The following CELF4 variants were observed in gnomAD, a reference collection of about 807,000 sequenced individuals.
CELF4 encodes CUGBP Elav-like family member 4.
In CELF4, 18 loss-of-function variants were observed where a neutral mutation model predicts 59.9. The observed-to-expected ratio is 0.30, with a 90% CI of 0.21 to 0.45. The LOEUF (loss-of-function observed/expected upper bound fraction) is 0.45, where lower values mean the gene tolerates loss of function less well. CELF4 is among the 20% of genes least tolerant of loss of function. CELF4 has a pLI of 1.00. For missense variants in CELF4, 456 were observed against 689.0 expected, an observed-to-expected ratio of 0.66 and a Z score of 3.79; for synonymous variants, 261 against 267.1, an observed-to-expected ratio of 0.98 and a Z score of 0.22.
At chr18:37,393,264 C>A (rs993691699) in intron 2 of CELF4, among the ~76,000 whole-genome samples, 7 of 152,210 alleles carry the variant, frequency 4.6e-5, no homozygotes, top group African/African-American at 1.7e-4. Flanking sequence ...GGAAGACCCA[C>A]CCCAGATACA....
At chr18:37,275,336 A>G in intron 3 of CELF4, 93 bp from the exon 4 acceptor site, 3 of 1,046,888 alleles carry the variant, frequency 2.9e-6, no homozygotes, top group Non-Finnish European at 1.2e-6. Context: ...AGGGAAAGGG[A>G]GGAGCCGGGG....
At chr18:37,500,664 G>C (rs1013936944) in intron 1 of CELF4, among the ~76,000 whole-genome samples, 1 of 151,702 alleles carries the variant, frequency 6.6e-6, no homozygotes, top group South Asian at 2.1e-4. Flanking sequence ...CTCCCGAGTA[G>C]TTGGGACTAC....
rs1328143676 is a variant in CELF4 at position 37,245,718 on chromosome 18, C to A, written c.*45-521G>T. 6.6e-6 allele frequency among the ~76,000 whole-genome samples: 1 copy of A among 152,154 alleles called. No homozygotes were observed. The highest frequency in any genetic ancestry group is 2.4e-5 in the African/African-American group (1 of 41,428). ...CCAGCTTCCAGCCAACCACTTCTTT[C>A]CCGGGGTCAGTAACTATTTGCGAGG... On this transcript the variant is annotated intron_variant, in intron 12 of 12. Coordinates refer to ENST00000420428, the MANE Select transcript of CELF4 (RefSeq NM_020180.4). The surrounding 1 kb of genome is among the most constrained non-coding windows in gnomAD (Gnocchi z 4.1).
At chr18:37,424,277 C>G (rs994112225) in intron 2 of CELF4, among the ~76,000 whole-genome samples, 5 of 152,048 alleles carry the variant, frequency 3.3e-5, no homozygotes, top group Admixed American at 3.3e-4. Flanking sequence ...GACAAGATCT[C>G]TATGCAGGCG....
At chr18:37,459,064 A>G (rs762087891) in intron 2 of CELF4, among the ~76,000 whole-genome samples, 1 of 152,162 alleles carries the variant, frequency 6.6e-6, no homozygotes, top group Non-Finnish European at 1.5e-5. Context: ...TGAGTCTGAC[A>G]TTGCTTTCCG....
chr18:37,277,573 A>C (rs563077368), intron 3 of CELF4, among the ~76,000 whole-genome samples: 4 of 152,228 alleles, frequency 2.6e-5, no homozygotes, highest in African/African-American at 9.6e-5. Context: ...CAGACAAGAG[A>C]ATCAGAGGCA....
chr18:37,432,389 G>A (rs948793178), intron 2 of CELF4, among the ~76,000 whole-genome samples: 1 of 152,216 alleles, frequency 6.6e-6, no homozygotes, highest in African/African-American at 2.4e-5. Context: ...GAGGACATTT[G>A]TTCTACTGAT....
intron 2 of CELF4, among the ~76,000 whole-genome samples, chr18:37,400,215 G>A (rs2099309461): frequency 6.6e-6 from 1 of 152,204 alleles, no homozygotes; most frequent in African/African-American, 2.4e-5. Context: ...ACTCATGCCT[G>A]AGAGTTTCTA....
intron 2 of CELF4, among the ~76,000 whole-genome samples, chr18:37,376,413 C>T (rs1402799058): frequency 6.6e-6 from 1 of 152,222 alleles, no homozygotes; most frequent in Non-Finnish European, 1.5e-5. Flanking sequence ...CCCAGCCAGG[C>T]CACTTCTCTG....
intron 2 of CELF4, among the ~76,000 whole-genome samples, chr18:37,325,285 C>G (rs2097267532): frequency 1.3e-5 from 2 of 152,308 alleles, no homozygotes; most frequent in South Asian, 4.1e-4. Context: ...CTGGAGGAGA[C>G]TCCTTTCCTG....
intron 10 of CELF4, among the ~76,000 whole-genome samples, chr18:37,263,534 G>T (rs183607979): frequency 3.3e-5 from 5 of 152,082 alleles, no homozygotes; most frequent in Non-Finnish European, 7.4e-5. Context: ...ATGGGACCTT[G>T]TTAGTGTCCT....
intron 2 of CELF4, among the ~76,000 whole-genome samples, chr18:37,484,564 C>T (rs1001198409): frequency 1.3e-5 from 2 of 152,208 alleles, no homozygotes; most frequent in Non-Finnish European, 2.9e-5. Flanking sequence ...CTGTGTAATT[C>T]AGCTCTCCCC....
At chr18:37,313,632 C>G (rs1036991428) in intron 3 of CELF4, among the ~76,000 whole-genome samples, 2 of 152,250 alleles carry the variant, frequency 1.3e-5, no homozygotes, top group African/African-American at 4.8e-5. Context: ...GCTGCCCCCA[C>G]CCAGGCCCGC....
intron 2 of CELF4, among the ~76,000 whole-genome samples, chr18:37,482,116 G>A (rs1174488416): frequency 6.6e-6 from 1 of 152,208 alleles, no homozygotes; most frequent in Non-Finnish European, 1.5e-5. Flanking sequence ...ATTTGTGTGT[G>A]TGTGTGGCTT....
chr18:37,504,919 A>G (rs1297450012), intron 1 of CELF4, among the ~76,000 whole-genome samples: 2 of 152,230 alleles, frequency 1.3e-5, no homozygotes, highest in African/African-American at 2.4e-5. Flanking sequence ...CTGAGCCACA[A>G]ACAATTTGAG....
chr18:37,459,361 A>G (rs1309559962), intron 2 of CELF4, among the ~76,000 whole-genome samples: 2 of 103,202 alleles, frequency 1.9e-5, no homozygotes, highest in Admixed American at 1.7e-4. Context: ...TGGTCTGTGT[A>G]GGTAACTCTC....
At chr18:37,359,149 G>A (rs1010172972) in intron 2 of CELF4, among the ~76,000 whole-genome samples, 1 of 152,136 alleles carries the variant, frequency 6.6e-6, no homozygotes, top group African/African-American at 2.4e-5. Flanking sequence ...GTAAGTGAAA[G>A]GGTGATGTCA....
intron 2 of CELF4, among the ~76,000 whole-genome samples, chr18:37,460,592 A>T (rs752678394): frequency 1.3e-5 from 2 of 152,212 alleles, no homozygotes; most frequent in East Asian, 3.8e-4. Flanking sequence ...GATATGTCTC[A>T]CTGTTGGCTT....
intron 2 of CELF4, among the ~76,000 whole-genome samples, chr18:37,332,159 G>A (rs1438021240): frequency 6.6e-6 from 1 of 152,138 alleles, no homozygotes; most frequent in Non-Finnish European, 1.5e-5. Context: ...CCTAAAGCTT[G>A]TACATAGGAG....
Sources: allele counts gnomAD v4.1 joint callset (sites outside exome capture counted in the v4.1 genomes callset), GRCh38; gene constraint gnomAD v4.1.1; non-coding constraint Gnocchi (gnomAD v3.1); transcripts MANE v1.5; gene names NCBI Gene and HGNC (gene_info 2026-07-23, HGNC 2026-07-21).